The following PTPRD variants were observed in gnomAD, a reference collection of about 807,000 sequenced individuals.
PTPRD encodes protein tyrosine phosphatase receptor type D.
PTPRD carries 34 observed loss-of-function variants against 214.5 expected under a neutral mutation model. The observed-to-expected ratio is 0.16, with a 90% CI of 0.12 to 0.21. The LOEUF (loss-of-function observed/expected upper bound fraction) is 0.21, where lower values mean the gene tolerates loss of function less well. Ranked by LOEUF, PTPRD falls within the 10% of genes least tolerant of loss-of-function variation. The pLI, the probability that PTPRD is intolerant of heterozygous loss-of-function variation, is 1.00. For synonymous variants in PTPRD, 1,128 were observed against 845.7 expected, an observed-to-expected ratio of 1.33 and a Z score of -5.79; for missense variants, 2,545 against 2,398.7, an observed-to-expected ratio of 1.06 and a Z score of -1.27.
At chr9:9,894,765 G>A (rs1243650730) in intron 5 of PTPRD, among the ~76,000 whole-genome samples, 1 of 152,006 alleles carries the variant, frequency 6.6e-6, no homozygotes, top group Non-Finnish European at 1.5e-5. Flanking sequence ...TTTGTTCTCA[G>A]TATTGTAACC....
At chr9:9,567,242 T>G (rs956617808) in intron 8 of PTPRD, among the ~76,000 whole-genome samples, 2 of 151,520 alleles carry the variant, frequency 1.3e-5, no homozygotes, top group East Asian at 1.9e-4. Context: ...AATGCAGAGA[T>G]GATTGATTGT....
chr9:9,062,225 A>G (rs532317320), intron 10 of PTPRD, among the ~76,000 whole-genome samples: 3 of 152,336 alleles, frequency 2.0e-5, no homozygotes, highest in East Asian at 1.9e-4. Flanking sequence ...GTAGAATTAC[A>G]TGTCAAAGCA....
At chr9:8,505,000 T>A (rs943911189) in intron 22 of PTPRD, among the ~76,000 whole-genome samples, 1 of 152,192 alleles carries the variant, frequency 6.6e-6, no homozygotes, top group Non-Finnish European at 1.5e-5. Flanking sequence ...ATAATTTATC[T>A]GAAACCACAT....
At chr9:8,856,723 G>C (rs2097922224) in intron 11 of PTPRD, among the ~76,000 whole-genome samples, 1 of 152,174 alleles carries the variant, frequency 6.6e-6, no homozygotes, top group African/African-American at 2.4e-5. Flanking sequence ...AGTGGATTGT[G>C]ATAGTCCTGG....
At chr9:10,416,807 G>C (rs1190571479) in intron 2 of PTPRD, among the ~76,000 whole-genome samples, 1 of 151,806 alleles carries the variant, frequency 6.6e-6, no homozygotes, top group Admixed American at 6.6e-5. Flanking sequence ...TACAGTGGGT[G>C]AATTCAGACT....
At chr9:9,188,428 A>C (rs1284412158) in intron 9 of PTPRD, among the ~76,000 whole-genome samples, 2 of 152,100 alleles carry the variant, frequency 1.3e-5, no homozygotes, top group Non-Finnish European at 2.9e-5. Context: ...ATTTCAATAG[A>C]TAATGCCAAA....
At chr9:10,554,746 C>T (rs556518268) in intron 2 of PTPRD, among the ~76,000 whole-genome samples, 18 of 152,118 alleles carry the variant, frequency 1.2e-4, no homozygotes, top group African/African-American at 3.1e-4. Context: ...CTGCAAGCTC[C>T]GCCTCCCGGC....
rs2135775572 is a variant in PTPRD at position 8,484,244 on chromosome 9, C to T, written c.3288G>A (p.Gln1096=). 1 of 1,614,132 alleles carries T rather than the reference C, an allele frequency of 6.2e-7. No individual in the cohort carries two copies. Among genetic ancestry groups the T allele is most frequent in the Non-Finnish European group, 8.5e-7 (1 of 1,180,024 alleles). ...GTGCAGTCTTTGCCGTGACCCTGTG[C>T]TGCAGCCCACCAGCACTGTTTCCAC... The part of the protein sequence containing the change: ...TNRGNSAGGL[Q]HRVTAKTAPD... Residue 1096 remains glutamine, a synonymous_variant, in exon 30 of 46, where the codon CAG becomes CAA. Coordinates refer to ENST00000381196, the MANE Select transcript of PTPRD (RefSeq NM_002839.4).
At position 9,152,534 on chromosome 9, in the gene PTPRD, T is replaced by C. The variant is rs182077598; in HGVS notation, c.-143+30770A>G. 5.3e-5 allele frequency among the ~76,000 whole-genome samples: 8 copies of C among 152,080 alleles called. No homozygotes were observed. In the East Asian group the frequency reaches 5.8e-4, roughly 11 times the overall value. On this transcript the variant is annotated intron_variant, in intron 10 of 45. Transcript: ENST00000381196. Reference sequence around the variant, plus strand: ...ACAAGATTAATGGTAAAGACAAATATGTAAGAAAGAATTCAGGAAAAAAAG... The same window carrying C: ...ACAAGATTAATGGTAAAGACAAATACGTAAGAAAGAATTCAGGAAAAAAAG...
intron 9 of PTPRD, among the ~76,000 whole-genome samples, chr9:9,198,041 G>C (rs909462907): frequency 6.6e-6 from 1 of 152,088 alleles, no homozygotes; most frequent in Admixed American, 6.5e-5. Context: ...ACACAAAAAG[G>C]CTACTGAGAA....
At chr9:9,173,329 T>C (rs2099922605) in intron 10 of PTPRD, among the ~76,000 whole-genome samples, 2 of 152,176 alleles carry the variant, frequency 1.3e-5, no homozygotes, top group Admixed American at 1.3e-4. Context: ...ATTCAGCAAG[T>C]AAAATGAACT....
chr9:8,968,469 T>C (rs1448420218), intron 11 of PTPRD, among the ~76,000 whole-genome samples: 1 of 151,958 alleles, frequency 6.6e-6, no homozygotes, highest in East Asian at 1.9e-4. Flanking sequence ...AGATGGTATC[T>C]CATTGTGGTT....
rs1478251304 is a variant in PTPRD, at chr9:8,507,288, A to G, written c.1677+13T>C. ...ATGAATAATTCCCAAGGTGAGAAGC[A>G]CTATAGTCTTACCTCCTCTCCATGC... On this transcript the variant is annotated intron_variant, in intron 22 of 45. Transcript: ENST00000381196. 6.2e-7 allele frequency: 1 copy of G among 1,612,704 alleles called. No individual in the cohort carries two copies. The highest frequency in any genetic ancestry group is 2.2e-5 in the East Asian group (1 of 44,862).
At chr9:8,352,403 T>A (rs2075763928) in intron 39 of PTPRD, among the ~76,000 whole-genome samples, 1 of 152,202 alleles carries the variant, frequency 6.6e-6, no homozygotes, top group Non-Finnish European at 1.5e-5. Context: ...ACTATATCAT[T>A]CACACAGAGA....
At chr9:9,311,456 G>A (rs1215654994) in intron 9 of PTPRD, among the ~76,000 whole-genome samples, 1 of 151,960 alleles carries the variant, frequency 6.6e-6, no homozygotes, top group African/African-American at 2.4e-5. Flanking sequence ...TCAGACACAA[G>A]GCTACTGCTC....
intron 10 of PTPRD, among the ~76,000 whole-genome samples, chr9:9,052,787 G>C (rs978102535): frequency 1.3e-5 from 2 of 152,076 alleles, no homozygotes; most frequent in Non-Finnish European, 2.9e-5. Flanking sequence ...GCTGCATTAG[G>C]AATTTTATGT....
intron 11 of PTPRD, among the ~76,000 whole-genome samples, chr9:8,735,956 G>A (rs558526137): frequency 1.9e-4 from 29 of 151,320 alleles, no homozygotes; most frequent in African/African-American, 6.8e-4. Context: ...AAAAAAATAG[G>A]TCACAGAGAG....
intron 2 of PTPRD, among the ~76,000 whole-genome samples, chr9:10,568,554 A>G (rs887886711): frequency 1.3e-4 from 20 of 152,214 alleles, no homozygotes; most frequent in East Asian, 1.2e-3. Flanking sequence ...TGACTTCCAC[A>G]ATGGTTGAAC....
intron 7 of PTPRD, among the ~76,000 whole-genome samples, chr9:9,670,426 C>T (rs1286625557): frequency 6.6e-6 from 1 of 152,138 alleles, no homozygotes; most frequent in African/African-American, 2.4e-5. Context: ...AAGAAACACC[C>T]ATTTTCTGAG....
Sources: gnomAD v4.1 joint callset for allele counts (sites outside exome capture counted in the v4.1 genomes callset) on GRCh38, gnomAD v4.1.1 for gene constraint, MANE v1.5 for transcripts, NCBI Gene and HGNC (gene_info 2026-07-23, HGNC 2026-07-21) for gene names.